The following TMC1 variants were observed in gnomAD, a reference collection of about 807,000 sequenced individuals.
The protein encoded by TMC1 is transmembrane channel like 1.
Under a neutral mutation model 105.8 loss-of-function variants are expected in TMC1, and 84 were observed. The observed-to-expected ratio is 0.79, with a 90% CI of 0.67 to 0.95. The LOEUF (loss-of-function observed/expected upper bound fraction) is 0.95. Ranked by LOEUF, TMC1 falls within the 40% of genes least tolerant of loss-of-function variation. The probability of loss-of-function intolerance (pLI) is 0.00; values close to 1 mark genes in which losing one functional copy is unlikely to be tolerated. For missense variants in TMC1, 817 were observed against 914.1 expected (o/e 0.89, Z 1.37); for synonymous variants, 315 against 311.5 (o/e 1.01, Z -0.12).
chr9:72,635,857 C>T (rs1825524975), intron 4 of TMC1, among the ~76,000 whole-genome samples: 1 of 152,108 alleles, frequency 6.6e-6, no homozygotes, highest in African/African-American at 2.4e-5. Context: ...GAATGCTTGC[C>T]CTGAAACACT....
At chr9:72,566,694 A>G (rs1229802996) in intron 1 of TMC1, among the ~76,000 whole-genome samples, 2 of 152,182 alleles carry the variant, frequency 1.3e-5, no homozygotes, top group African/African-American at 4.8e-5. Context: ...ATAAAAAAGC[A>G]CATTTAGCCT....
intron 10 of TMC1, among the ~76,000 whole-genome samples, chr9:72,749,330 A>G (rs764621613): frequency 6.6e-6 from 1 of 152,144 alleles, no homozygotes; most frequent in Admixed American, 6.5e-5. Flanking sequence ...CCAGGGAAAA[A>G]CTTACATTGA....
At chr9:72,822,330 T>C (rs1373591355) in intron 20 of TMC1, among the ~76,000 whole-genome samples, 1 of 152,206 alleles carries the variant, frequency 6.6e-6, no homozygotes, top group Non-Finnish European at 1.5e-5. Context: ...CCCAAGTTAT[T>C]TAATTAAAGT....
chr9:72,816,835 G>A (rs1828795794), intron 19 of TMC1, among the ~76,000 whole-genome samples: 1 of 152,130 alleles, frequency 6.6e-6, no homozygotes, highest in South Asian at 2.1e-4. Flanking sequence ...GACAGGTTAA[G>A]ATGAGTCGAT....
intron 4 of TMC1, among the ~76,000 whole-genome samples, chr9:72,640,641 T>G (rs1450224388): frequency 7.3e-5 from 6 of 82,736 alleles, no homozygotes; most frequent in Non-Finnish European, 1.7e-4. Flanking sequence ...TGTTTTTTGT[T>G]TTTTTTTTTG....
chr9:72,563,891 C>A (rs1824100636), intron 1 of TMC1, among the ~76,000 whole-genome samples: 1 of 109,880 alleles, frequency 9.1e-6, no homozygotes, highest in African/African-American at 3.9e-5. Context: ...AGGAGCAAAA[C>A]TCTGGCTCAA....
intron 17 of TMC1, among the ~76,000 whole-genome samples, chr9:72,798,252 TA>T: frequency 6.6e-6 from 1 of 152,104 alleles, no homozygotes; most frequent in African/African-American, 2.4e-5. Context: ...AAGGAACATT[TA>T]TACACTGTTA....
chr9:72,619,793 G>T (rs1203976827), intron 3 of TMC1, among the ~76,000 whole-genome samples: 2 of 151,494 alleles, frequency 1.3e-5, no homozygotes, highest in Non-Finnish European at 2.9e-5. Context: ...GGAAACTACA[G>T]ATCTAATTTA....
At chr9:72,707,460 T>C (rs1412915495) in intron 8 of TMC1, among the ~76,000 whole-genome samples, 15 of 152,218 alleles carry the variant, frequency 9.9e-5, no homozygotes, top group Non-Finnish European at 1.8e-4. Context: ...TTCTTGCAGG[T>C]GTAAGGTGGT....
chr9:72,675,511 T>A (rs144506527), intron 5 of TMC1, among the ~76,000 whole-genome samples: 1 of 152,164 alleles, frequency 6.6e-6, no homozygotes, highest in African/African-American at 2.4e-5. Flanking sequence ...TAGAGGAGTC[T>A]CTCTTCATCA....
At chr9:72,683,861 A>G (rs1168663522) in intron 5 of TMC1, among the ~76,000 whole-genome samples, 1 of 147,902 alleles carries the variant, frequency 6.8e-6, no homozygotes, top group African/African-American at 2.5e-5. Context: ...CATTTACTGT[A>G]ATTCTCACCC....
chr9:72,588,869 G>A (rs1011762818), intron 2 of TMC1, among the ~76,000 whole-genome samples: 3 of 151,050 alleles, frequency 2.0e-5, no homozygotes, highest in Non-Finnish European at 4.4e-5. Context: ...TCTGCCTCCT[G>A]GGTTCAAGTG....
chr9:72,741,326 A>G (rs1185822254), intron 9 of TMC1: 2 of 346,282 alleles, frequency 5.8e-6, no homozygotes, highest in Non-Finnish European at 1.1e-5. Context: ...CAGCCAGCTT[A>G]ACCTTCCTTT....
intron 4 of TMC1, among the ~76,000 whole-genome samples, chr9:72,642,059 C>G (rs1403966906): frequency 6.6e-6 from 1 of 151,896 alleles, no homozygotes; most frequent in Non-Finnish European, 1.5e-5. Flanking sequence ...CCTCATGATC[C>G]GCCTGCCTTG....
intron 2 of TMC1, among the ~76,000 whole-genome samples, chr9:72,608,719 A>G (rs902957800): frequency 6.9e-6 from 1 of 144,434 alleles, no homozygotes; most frequent in African/African-American, 2.6e-5. Context: ...AAAAAAAAAA[A>G]GTAAGTTTTG....
At position 72,729,753 on chromosome 9, in the gene TMC1, A is replaced by G. The variant is rs188130864; in HGVS notation, c.363-10366A>G. 5.3e-5 allele frequency among the ~76,000 whole-genome samples: 8 copies of G among 152,332 alleles called. No homozygotes were observed. The East Asian group carries it at 1.5e-3, about 29-fold the overall frequency. ...TCAAGGACAACACTTCTCTAATGAA[A>G]GAGGGTTCACAAGAGAAAAACATAA... is the stretch of plus-strand genomic sequence containing the variant. On this transcript the variant is annotated intron_variant, in intron 8 of 23. Transcript: ENST00000297784.
chr9:72,791,937 T>G lies in TMC1; in HGVS notation c.1276T>G (p.Leu426Val), dbSNP rs1828275619. The G allele has an allele frequency of 2.5e-6, 4 of 1,613,824 alleles. No individual in the cohort carries two copies. The highest frequency in any genetic ancestry group is 3.4e-6 in the Non-Finnish European group (4 of 1,179,930). Residue 426 changes from leucine to valine, a missense_variant, in exon 16 of 24, where the codon TTA (leucine) becomes GTA (valine). Leu to Val is a conservative substitution (Grantham distance 32). Coordinates refer to ENST00000297784, the MANE Select transcript of TMC1 (RefSeq NM_138691.3). The part of the protein sequence containing the change: ...LGMFCPTLFD[L>V]FAELEDYHPL... Reference sequence around the variant, plus strand: ...GATGTTCTGTCCAACATTGTTTGACTTATTTGCTGAATTAGAAGACTACCA... The same window carrying G: ...GATGTTCTGTCCAACATTGTTTGACGTATTTGCTGAATTAGAAGACTACCA...
intron 7 of TMC1, among the ~76,000 whole-genome samples, chr9:72,698,108 C>T (rs1826580870): frequency 6.6e-6 from 1 of 151,756 alleles, no homozygotes; most frequent in Admixed American, 6.6e-5. Context: ...GCCATGGCTA[C>T]ACAGCATCAT....
intron 1 of TMC1, among the ~76,000 whole-genome samples, chr9:72,572,029 T>C (rs761385118): frequency 6.6e-6 from 1 of 152,240 alleles, no homozygotes; most frequent in Non-Finnish European, 1.5e-5. Flanking sequence ...AGAGATGGGC[T>C]TTCTCCATGT....
Sources: gnomAD v4.1 joint callset for allele counts (sites outside exome capture counted in the v4.1 genomes callset) on GRCh38, gnomAD v4.1.1 for gene constraint, MANE v1.5 for transcripts, NCBI Gene and HGNC (gene_info 2026-07-23, HGNC 2026-07-21) for gene names.